AGBL1: variants seen among roughly 807,000 people sequenced by gnomAD.
The protein encoded by AGBL1 is AGBL carboxypeptidase 1.
A neutral mutation model predicts 118.9 loss-of-function variants in AGBL1; 130 were observed. That is an observed-to-expected ratio of 1.09 (90% CI 0.95 to 1.26). The LOEUF (loss-of-function observed/expected upper bound fraction) is 1.26. AGBL1 is among the 50% of genes most tolerant of loss of function. The pLI is 0.00. For synonymous variants in AGBL1, 555 were observed against 478.9 expected (o/e 1.16, Z -2.08); for missense variants, 1,584 against 1,298.1 (o/e 1.22, Z -3.38).
intron 21 of AGBL1, among the ~76,000 whole-genome samples, chr15:86,561,696 C>T (rs1368213181): frequency 1.3e-5 from 2 of 152,170 alleles, no homozygotes; most frequent in Non-Finnish European, 2.9e-5. Context: ...TGAAGAAAGT[C>T]ATTGGTAGCT....
chr15:86,986,893 AAG>A (rs756853183), intron 23 of AGBL1, among the ~76,000 whole-genome samples: 8 of 152,136 alleles, frequency 5.3e-5, no homozygotes, highest in South Asian at 2.1e-4. Flanking sequence ...TGAGTCTGAA[AAG>A]AGAGTCAGCC....
chr15:86,955,207 T>C (rs977093478), intron 23 of AGBL1, among the ~76,000 whole-genome samples: 5 of 152,096 alleles, frequency 3.3e-5, no homozygotes, highest in African/African-American at 1.2e-4. Context: ...AATTTTAATA[T>C]ATATCTAAAG....
intron 23 of AGBL1, among the ~76,000 whole-genome samples, chr15:86,959,377 T>C (rs1164945712): frequency 6.6e-6 from 1 of 152,132 alleles, no homozygotes; most frequent in African/African-American, 2.4e-5. Flanking sequence ...ATGCCTTTCA[T>C]TTCCATGCTT....
chr15:86,315,550 C>T (rs539832271), intron 17 of AGBL1, among the ~76,000 whole-genome samples: 36 of 151,814 alleles, frequency 2.4e-4, no homozygotes, highest in Non-Finnish European at 4.1e-4. Context: ...CCCGTCTCTA[C>T]TAATAATACA....
chr15:86,650,181 A>G (rs932684064), intron 21 of AGBL1, among the ~76,000 whole-genome samples: 1 of 152,174 alleles, frequency 6.6e-6, no homozygotes, highest in East Asian at 1.9e-4. Context: ...CCCATTCTTC[A>G]TTAGTAACAG....
intron 18 of AGBL1, among the ~76,000 whole-genome samples, chr15:86,401,182 T>G (rs2081438963): frequency 6.6e-6 from 1 of 152,200 alleles, no homozygotes; most frequent in African/African-American, 2.4e-5. Context: ...CTCATTGTGG[T>G]TTTAATTTGC....
intron 19 of AGBL1, among the ~76,000 whole-genome samples, chr15:86,535,929 G>A (rs1031052695): frequency 4.6e-5 from 7 of 152,088 alleles, no homozygotes; most frequent in Non-Finnish European, 7.4e-5. Context: ...TTCATAACTC[G>A]TGTTAAGGTA....
At chr15:86,860,577 A>G (rs988226977) in intron 22 of AGBL1, among the ~76,000 whole-genome samples, 3 of 152,150 alleles carry the variant, frequency 2.0e-5, no homozygotes, top group African/African-American at 7.2e-5. Context: ...CCATCCAGAC[A>G]TGTTGGTACT....
At chr15:86,767,485 A>C (rs1391288750) in intron 22 of AGBL1, among the ~76,000 whole-genome samples, 2 of 151,966 alleles carry the variant, frequency 1.3e-5, no homozygotes, top group African/African-American at 4.8e-5. Flanking sequence ...GAGGCATGTT[A>C]CCCAAAGGAT....
At chr15:86,599,094 G>A (rs775748045) in intron 21 of AGBL1, among the ~76,000 whole-genome samples, 11 of 152,084 alleles carry the variant, frequency 7.2e-5, no homozygotes, top group Non-Finnish European at 1.5e-4. Flanking sequence ...TGATAATCCT[G>A]TCGGGAGAAT....
At chr15:86,118,547 G>A (rs1022669446) in intron 1 of AGBL1, among the ~76,000 whole-genome samples, 1 of 151,606 alleles carries the variant, frequency 6.6e-6, no homozygotes, top group African/African-American at 2.4e-5. Context: ...TTCTGTTTGA[G>A]TACAGCATTG....
Position 86,562,106 on chromosome 15 carries a change from A to T in AGBL1, c.2994+7569A>T, listed in dbSNP as rs572554451. Among the ~76,000 whole-genome samples, 22 of 152,284 alleles carry T rather than the reference A, an allele frequency of 1.4e-4. No homozygotes were observed. In the South Asian group the frequency reaches 3.9e-3, roughly 27 times the overall value. On this transcript the variant is annotated intron_variant, in intron 21 of 22. Transcript: ENST00000614907. ...ACAATTATGTCATCTGCAAACAGGGACAATTTGACTTCCTTTTTTCCTAAT... is the reference window on the plus strand; with the variant it reads ...ACAATTATGTCATCTGCAAACAGGGTCAATTTGACTTCCTTTTTTCCTAAT...
At chr15:86,541,678 G>A (rs573940657) in intron 19 of AGBL1, among the ~76,000 whole-genome samples, 5 of 149,892 alleles carry the variant, frequency 3.3e-5, no homozygotes, top group African/African-American at 1.2e-4. Flanking sequence ...TGCAAATCAT[G>A]CAAGCCTCAC....
chr15:86,432,732 T>A (rs1233258622), intron 18 of AGBL1, among the ~76,000 whole-genome samples: 1 of 152,002 alleles, frequency 6.6e-6, no homozygotes, highest in African/African-American at 2.4e-5. Flanking sequence ...CTGAAGGAGG[T>A]AGGGAGATCT....
intron 22 of AGBL1, among the ~76,000 whole-genome samples, chr15:86,785,465 C>T (rs1369197043): frequency 6.6e-6 from 1 of 150,836 alleles, no homozygotes; most frequent in East Asian, 1.9e-4. Flanking sequence ...ACCTCCACCT[C>T]CCAGGTTCAA....
rs146300452 is a variant in AGBL1, at chr15:86,684,622, G to A, written c.3158+10186G>A. On this transcript the variant is annotated intron_variant, in intron 22 of 22. Transcript: ENST00000614907. ...AGATGTGAGCCACCACACCTGACCCGTAGCATAGTTTAGATCACAGACATA... is the reference window on the plus strand; with the variant it reads ...AGATGTGAGCCACCACACCTGACCCATAGCATAGTTTAGATCACAGACATA... 1.3e-4 allele frequency among the ~76,000 whole-genome samples: 20 copies of A among 152,008 alleles called. No homozygotes were observed. In the East Asian group the frequency reaches 1.9e-3, roughly 15 times the overall value.
At chr15:86,510,097 G>T (rs1176684166) in intron 18 of AGBL1, among the ~76,000 whole-genome samples, 2 of 152,004 alleles carry the variant, frequency 1.3e-5, no homozygotes, top group African/African-American at 2.4e-5. Flanking sequence ...ATTGCTTTCA[G>T]GGAATGGGAT....
At chr15:86,694,879 T>G (rs1226426682) in intron 22 of AGBL1, among the ~76,000 whole-genome samples, 2 of 152,142 alleles carry the variant, frequency 1.3e-5, no homozygotes, top group Non-Finnish European at 2.9e-5. Flanking sequence ...GAATTCTGTT[T>G]ATATGGTGTA....
At position 86,913,107 on chromosome 15, in the gene AGBL1, C is replaced by CAATTGCATAT. The variant is rs1453605504; in HGVS notation, c.*5816_*5825dup. Reference sequence around the variant, plus strand: ...TTCAGTGCCTAATAATAAAAAGATACAATTGCATATAACTTAAAATCATCT... The same window carrying CAATTGCATAT: ...TTCAGTGCCTAATAATAAAAAGATACAATTGCATATAATTGCATATAACTTAAAATCATCT... On this transcript the variant is annotated 3_prime_UTR_variant, in exon 23 of 23. Transcript: ENST00000614907. 8 of 152,028 alleles carry CAATTGCATAT rather than the reference C, an allele frequency of 5.3e-5. No individual in the cohort carries two copies. The highest frequency in any genetic ancestry group is 1.7e-4 in the African/African-American group (7 of 41,380). The allele number at this position is 152,028 out of a possible 1,614,324, so 9.4% of individuals were successfully genotyped here.
Sources: allele counts gnomAD v4.1 joint callset (sites outside exome capture counted in the v4.1 genomes callset), GRCh38; gene constraint gnomAD v4.1.1; transcripts MANE v1.5; gene names NCBI Gene and HGNC (gene_info 2026-07-23, HGNC 2026-07-21).